Variants in SMOC2 observed in about 807,000 individuals in gnomAD.
SMOC2 encodes SPARC-related modular calcium-binding protein 2.
Under a neutral mutation model 61.4 loss-of-function variants are expected in SMOC2, and 39 were observed. The observed-to-expected ratio is 0.64, with a 90% CI of 0.49 to 0.83. The LOEUF is 0.83. SMOC2 is among the 40% of genes least tolerant of loss of function. SMOC2 has a pLI of 0.00. For synonymous variants in SMOC2, 247 were observed against 239.9 expected, an observed-to-expected ratio of 1.03 and a Z score of -0.27; for missense variants, 556 against 592.9, an observed-to-expected ratio of 0.94 and a Z score of 0.65.
intron 4 of SMOC2, among the ~76,000 whole-genome samples, chr6:168,536,059 C>T (rs1037816192): frequency 4.6e-5 from 7 of 152,220 alleles, no homozygotes; most frequent in Admixed American, 2.0e-4. Flanking sequence ...CAGGCTGTGC[C>T]GGCTCCTGGA....
intron 2 of SMOC2, among the ~76,000 whole-genome samples, chr6:168,511,829 T>TC (rs1554285807): frequency 3.3e-5 from 5 of 151,322 alleles, no homozygotes; most frequent in Non-Finnish European, 7.4e-5. Flanking sequence ...TTTTTTTTTT[T>TC]CTGAAATTAC....
chr6:168,476,656 A>G (rs769525598), intron 1 of SMOC2, among the ~76,000 whole-genome samples: 3 of 152,100 alleles, frequency 2.0e-5, no homozygotes, highest in Non-Finnish European at 2.9e-5. Context: ...ACATACATAC[A>G]TATATATTTA....
At position 168,490,833 on chromosome 6, in the gene SMOC2, A is replaced by T. The variant is rs563688608; in HGVS notation, c.85-19082A>T. Among the ~76,000 whole-genome samples the T allele has an allele frequency of 3.1e-4, 47 of 152,288 alleles. No homozygotes were observed. The South Asian group carries it at 6.6e-3, about 22-fold the overall frequency. On this transcript the variant is annotated intron_variant, in intron 1 of 12. Transcript: ENST00000356284. ...GGCTGAGGCTGCATTTGGGATTTGG[A>T]TTCCCGCTCAGCACTGAGTGGGGCA...
At chr6:168,586,445 G>A (rs754520538) in intron 7 of SMOC2, among the ~76,000 whole-genome samples, 43 of 151,976 alleles carry the variant, frequency 2.8e-4, no homozygotes, top group Admixed American at 1.3e-3. Flanking sequence ...TGGCTCTTTC[G>A]GAAGAAAACT....
intron 7 of SMOC2, among the ~76,000 whole-genome samples, chr6:168,591,398 T>C (rs1785177286): frequency 6.6e-6 from 1 of 152,200 alleles, no homozygotes; most frequent in South Asian, 2.1e-4. Flanking sequence ...TACTACAGAA[T>C]TATTACAACA....
intron 7 of SMOC2, among the ~76,000 whole-genome samples, chr6:168,569,196 TTG>T (rs1031803328): frequency 6.6e-6 from 1 of 152,206 alleles, no homozygotes; most frequent in African/African-American, 2.4e-5. Context: ...GCAGCTGGTG[TTG>T]TCAATGTTTT....
chr6:168,450,601 T>C (rs2114992795), intron 1 of SMOC2, among the ~76,000 whole-genome samples: 1 of 152,316 alleles, frequency 6.6e-6, no homozygotes, highest in South Asian at 2.1e-4. Flanking sequence ...GAGATATTCA[T>C]GTTGAAGTGC....
chr6:168,518,161 C>T (rs1783190818), intron 2 of SMOC2, among the ~76,000 whole-genome samples: 1 of 152,230 alleles, frequency 6.6e-6, no homozygotes, highest in South Asian at 2.1e-4. Flanking sequence ...CCATGAGGCT[C>T]CTTCACCCCC....
At chr6:168,495,108 C>A (rs993790332) in intron 1 of SMOC2, among the ~76,000 whole-genome samples, 10 of 152,372 alleles carry the variant, frequency 6.6e-5, no homozygotes, top group Middle Eastern at 6.8e-3. Flanking sequence ...GGGCTCAGGA[C>A]ACAGACACCT....
intron 7 of SMOC2, among the ~76,000 whole-genome samples, chr6:168,597,537 C>A (rs1785364140): frequency 6.6e-6 from 1 of 152,228 alleles, no homozygotes; most frequent in South Asian, 2.1e-4. Flanking sequence ...CGCACCACAC[C>A]AGCTATGGCA....
At chr6:168,484,484 C>CTG (rs1256788332) in intron 1 of SMOC2, among the ~76,000 whole-genome samples, 1 of 152,154 alleles carries the variant, frequency 6.6e-6, no homozygotes, top group Non-Finnish European at 1.5e-5. Flanking sequence ...CGTTTGTGCA[C>CTG]TGTTGGTGGT....
intron 2 of SMOC2, among the ~76,000 whole-genome samples, chr6:168,516,725 C>T (rs974555658): frequency 6.6e-6 from 1 of 152,058 alleles, no homozygotes; most frequent in South Asian, 2.1e-4. Context: ...GATTATTAGG[C>T]GGGCAGATCA....
Position 168,598,915 on chromosome 6 carries a change from C to G in SMOC2, c.735C>G (p.Leu245=). The stretch of plus-strand genomic sequence containing the variant: ...TCCCTGAGTGTGCGCACGGCGGCCT[C>G]TACAAGCCAGTGCAGTGCCACCCCT... ...VVIPECAHGG[L]YKPVQCHPST... The change falls in exon 8 of 13, where the codon CTC becomes CTG. Residue 245 remains leucine (L), a synonymous_variant. Coordinates refer to ENST00000356284, the MANE Select transcript of SMOC2 (RefSeq NM_001166412.2). 6.2e-7 allele frequency: 1 copy of G among 1,612,908 alleles called. No homozygotes were observed. Among genetic ancestry groups the G allele is most frequent in the Non-Finnish European group, 8.5e-7 (1 of 1,179,684 alleles).
At chr6:168,616,302 G>C (rs11962108) in intron 9 of SMOC2, among the ~76,000 whole-genome samples, 38,581 of 152,182 alleles carry the variant, frequency 0.25, 5,002 homozygotes, top group Non-Finnish European at 0.27. Flanking sequence ...TCTGCACTCT[G>C]TGTCCATACA....
At chr6:168,575,540 G>T (rs1008382481) in intron 7 of SMOC2, among the ~76,000 whole-genome samples, 40 of 152,282 alleles carry the variant, frequency 2.6e-4, no homozygotes, top group African/African-American at 9.6e-4. Context: ...TGCAGAAGAC[G>T]GGGAGCTCCT....
In SMOC2 at chr6:168,603,361, G is replaced by A. The variant is rs146311634; in HGVS notation, c.824+4357G>A. Among the ~76,000 whole-genome samples, 16 of 151,438 alleles carry A rather than the reference G, an allele frequency of 1.1e-4. 1 individual carries two copies. In the East Asian group the frequency reaches 2.9e-3, roughly 28 times the overall value. On this transcript the variant is annotated intron_variant, in intron 8 of 12. Coordinates refer to ENST00000356284, the MANE Select transcript of SMOC2 (RefSeq NM_001166412.2). ...GGGTGGGGCAGATGGGGAGCAGCTG[G>A]TGGAAGCCAGAGAACAGAGCGGGTC...
intron 9 of SMOC2, among the ~76,000 whole-genome samples, chr6:168,628,925 G>T (rs570169798): frequency 1.3e-5 from 2 of 152,380 alleles, no homozygotes; most frequent in Admixed American, 1.3e-4. Flanking sequence ...TGGGTGGAGG[G>T]CAGTCCGGTC....
At chr6:168,462,346 A>T (rs1339166551) in intron 1 of SMOC2, among the ~76,000 whole-genome samples, 1 of 152,196 alleles carries the variant, frequency 6.6e-6, no homozygotes, top group East Asian at 1.9e-4. Flanking sequence ...ATGAGGTTGT[A>T]AACATGTCCT....
At chr6:168,504,901 T>C (rs1480868127) in intron 1 of SMOC2, among the ~76,000 whole-genome samples, 3 of 137,908 alleles carry the variant, frequency 2.2e-5, no homozygotes, top group African/African-American at 7.5e-5. Flanking sequence ...CATGAGGCTT[T>C]ACTCTTAAAG....
Sources: allele counts gnomAD v4.1 joint callset (sites outside exome capture counted in the v4.1 genomes callset), GRCh38; gene constraint gnomAD v4.1.1; transcripts MANE v1.5; gene names NCBI Gene and HGNC (gene_info 2026-07-23, HGNC 2026-07-21).